PDE1A: variants seen among roughly 807,000 people sequenced by gnomAD.
PDE1A encodes phosphodiesterase 1A, also known as dual specificity calcium/calmodulin-dependent 3',5'-cyclic nucleotide phosphodiesterase 1A.
In PDE1A, 35 loss-of-function variants were observed where a neutral mutation model predicts 61.7. That is an observed-to-expected ratio of 0.57 (90% CI 0.43 to 0.75). The LOEUF is 0.75. Among genes scored for constraint, PDE1A ranks in the 30% least tolerant of loss-of-function variants. The pLI is 0.00. For missense variants in PDE1A, 597 were observed against 630.6 expected, an observed-to-expected ratio of 0.95 and a Z score of 0.57; for synonymous variants, 232 against 213.2, an observed-to-expected ratio of 1.09 and a Z score of -0.77.
At chr2:182,218,550 C>G (rs1250541160) in intron 7 of PDE1A, among the ~76,000 whole-genome samples, 1 of 151,392 alleles carries the variant, frequency 6.6e-6, no homozygotes, top group Admixed American at 6.6e-5. Context: ...TGACCAACAT[C>G]TTCCTAACTT....
chr2:182,282,418 A>G (rs916713505), intron 1 of PDE1A, among the ~76,000 whole-genome samples: 4 of 152,016 alleles, frequency 2.6e-5, no homozygotes, highest in Admixed American at 2.6e-4. Context: ...AAAACTTTCT[A>G]TGTGAATAAA....
intron 1 of PDE1A, among the ~76,000 whole-genome samples, chr2:182,336,251 A>T (rs1440569583): frequency 6.6e-6 from 1 of 152,226 alleles, no homozygotes; most frequent in Non-Finnish European, 1.5e-5. Flanking sequence ...CATTTGACCC[A>T]GCAATCCCTT....
At chr2:182,621,657 T>C in the PDE1A span, among the ~76,000 whole-genome samples, 1 of 152,210 alleles carries the variant, frequency 6.6e-6, no homozygotes, top group African/African-American at 2.4e-5. Context: ...TGTCATAGTT[T>C]TTGGTTTCCA....
At chr2:182,644,274 T>TGTGTGTGC in the PDE1A span, among the ~76,000 whole-genome samples, 2 of 148,422 alleles carry the variant, frequency 1.3e-5, no homozygotes, top group Non-Finnish European at 3.0e-5. Flanking sequence ...TGTGTGTGTG[T>TGTGTGTGC]GTGTGTGTGT....
the PDE1A span, among the ~76,000 whole-genome samples, chr2:182,659,380 C>T: frequency 3.3e-5 from 5 of 152,078 alleles, no homozygotes; most frequent in African/African-American, 1.2e-4. Context: ...ACAAGGAAAA[C>T]ATGAAGCAGA....
At chr2:182,671,361 T>TTTTTTTCTTTTTTTTTTC in the PDE1A span, among the ~76,000 whole-genome samples, 1 of 114,206 alleles carries the variant, frequency 8.8e-6, no homozygotes, top group Non-Finnish European at 1.8e-5. Context: ...TTTTTTTTTT[T>TTTTTTTCTTTTTTTTTTC]GTATTTTTAG....
the PDE1A span, among the ~76,000 whole-genome samples, chr2:182,573,631 C>T: frequency 2.6e-5 from 4 of 151,660 alleles, no homozygotes; most frequent in Admixed American, 1.3e-4. Context: ...GAGGAATATA[C>T]GACATTAGCA....
downstream of PDE1A, among the ~76,000 whole-genome samples, chr2:182,166,800 A>G (rs7581170): frequency 0.29 from 43,757 of 152,126 alleles, 6,804 homozygotes; most frequent in Non-Finnish European, 0.34. Flanking sequence ...AAATAAATAT[A>G]CTTATTTGTG....
At chr2:182,492,745 A>C (rs7563753) in intron 2 of PDE1A, among the ~76,000 whole-genome samples, 61,834 of 152,038 alleles carry the variant, frequency 0.41, 12,881 homozygotes, top group African/African-American at 0.47. Flanking sequence ...TTTTGTGAAC[A>C]ATAAACTTTT....
the PDE1A span, among the ~76,000 whole-genome samples, chr2:182,568,231 G>C: frequency 6.6e-6 from 1 of 151,854 alleles, no homozygotes; most frequent in Non-Finnish European, 1.5e-5. Flanking sequence ...TTAATAACGA[G>C]TTATTAAACT....
the PDE1A span, among the ~76,000 whole-genome samples, chr2:182,533,969 T>C: frequency 2.6e-5 from 4 of 152,110 alleles, no homozygotes; most frequent in Non-Finnish European, 5.9e-5. Context: ...ATGATATCAA[T>C]GGCAACATTT....
the PDE1A span, among the ~76,000 whole-genome samples, chr2:182,675,697 C>T: frequency 6.6e-6 from 1 of 152,124 alleles, no homozygotes; most frequent in Non-Finnish European, 1.5e-5. Context: ...TTGCATTTCC[C>T]TAATGATAAC....
chr2:182,586,675 C>G, the PDE1A span, among the ~76,000 whole-genome samples: 676 of 152,198 alleles, frequency 4.4e-3, 3 homozygotes, highest in South Asian at 0.011. Flanking sequence ...CAACACCACC[C>G]CTCTCAAATC....
chr2:182,480,095 G>T (rs959891465), intron 2 of PDE1A, among the ~76,000 whole-genome samples: 3 of 151,790 alleles, frequency 2.0e-5, no homozygotes, highest in Admixed American at 6.6e-5. Flanking sequence ...GGACAAAAAA[G>T]CTTTACCATC....
intron 1 of PDE1A, among the ~76,000 whole-genome samples, chr2:182,413,496 C>A (rs1358257140): frequency 6.6e-6 from 1 of 152,012 alleles, no homozygotes; most frequent in Non-Finnish European, 1.5e-5. Flanking sequence ...AGTAGAGAAG[C>A]ATGAAAAATA....
At chr2:182,632,081 G>T in the PDE1A span, among the ~76,000 whole-genome samples, 2 of 152,134 alleles carry the variant, frequency 1.3e-5, no homozygotes, top group Non-Finnish European at 2.9e-5. Context: ...TATATAAAGG[G>T]TGAGAGACAG....
Position 182,231,013 on chromosome 2 carries a change from A to C in PDE1A, c.534+2T>G. On this transcript the variant is annotated splice_donor_variant, in intron 5 of 13. Coordinates refer to ENST00000351439, the Ensembl canonical transcript of PDE1A. LOFTEE classifies it high-confidence loss of function. Reference sequence around the variant, plus strand: ...ATTTCACTTTTGTTCCATGTTTCTGACCTTGAAACGGTTGATAAGATCATA... The same window carrying C: ...ATTTCACTTTTGTTCCATGTTTCTGCCCTTGAAACGGTTGATAAGATCATA... 1 of 1,431,158 alleles carries C rather than the reference A, an allele frequency of 7.0e-7. No individual in the cohort carries two copies. The highest frequency in any genetic ancestry group is 9.7e-7 in the Non-Finnish European group (1 of 1,027,698). The allele number at this position is 1,431,158 out of a possible 1,614,324, so 88.7% of individuals were successfully genotyped here. A position where few individuals can be genotyped will look rare whatever the true frequency, so the allele number is the denominator to read the frequency against.
the PDE1A span, among the ~76,000 whole-genome samples, chr2:182,691,921 A>C: frequency 1.3e-5 from 2 of 152,234 alleles, no homozygotes; most frequent in African/African-American, 4.8e-5. Flanking sequence ...AGACACGAAA[A>C]AATGCTCATC....
At chr2:182,516,702 G>GAAGGA (rs1690180627) in intron 2 of PDE1A, among the ~76,000 whole-genome samples, 1 of 116,764 alleles carries the variant, frequency 8.6e-6, no homozygotes, top group Non-Finnish European at 1.7e-5. Flanking sequence ...GGGAGGAAGG[G>GAAGGA]AGGAAGGAAG....
Sources: gnomAD v4.1 joint callset for allele counts (sites outside exome capture counted in the v4.1 genomes callset) on GRCh38, gnomAD v4.1.1 for gene constraint, MANE v1.5 for transcripts, NCBI Gene and HGNC (gene_info 2026-07-23, HGNC 2026-07-21) for gene names.